The following WASF1 variants were observed in gnomAD, a reference collection of about 807,000 sequenced individuals.
WASF1 encodes actin-binding protein WASF1.
WASF1 carries 7 observed loss-of-function variants against 50.5 expected under a neutral mutation model. The observed-to-expected ratio is 0.14, with a 90% CI of 0.08 to 0.26. The LOEUF is 0.26. Ranked by LOEUF, WASF1 falls within the 10% of genes least tolerant of loss-of-function variation. WASF1 has a pLI of 1.00. For missense variants in WASF1, 470 were observed against 694.7 expected, an observed-to-expected ratio of 0.68 and a Z score of 3.64; for synonymous variants, 205 against 244.0, an observed-to-expected ratio of 0.84 and a Z score of 1.49.
At chr6:110,105,063 T>C (rs1244212184) in intron 8 of WASF1, among the ~76,000 whole-genome samples, 1 of 152,118 alleles carries the variant, frequency 6.6e-6, no homozygotes, top group African/African-American at 2.4e-5. Flanking sequence ...AAATCAACAG[T>C]ATTTCAAAAA....
At chr6:110,171,245 A>T (rs1033771379) in intron 2 of WASF1, among the ~76,000 whole-genome samples, 1 of 152,158 alleles carries the variant, frequency 6.6e-6, no homozygotes, top group East Asian at 1.9e-4. Context: ...CTCAGACCAC[A>T]ATGCAATTAA....
Position 110,101,679 on chromosome 6 carries a change from T to G in WASF1, c.1431A>C (p.Gln477His), listed in dbSNP as rs1773094800. ...VPLMPPSPPS[Q>H]VIPASEPKRH... ...GCTTTGGCTCAGAAGCAGGTATAAC[T>G]TGTGATGGAGGAGATGGAGGCATTA... The change falls in exon 10 of 11, where the codon CAA becomes CAC. Residue 477 changes from glutamine (Q) to histidine (H), a missense_variant. Gln to His is a conservative substitution (Grantham distance 24, BLOSUM62 0). This residue lies in a region of WASF1 where 294 missense variants were observed against 343.5 expected (regional missense o/e 0.86). Transcript: ENST00000392589. 1.2e-6 allele frequency: 2 copies of G among 1,614,056 alleles called. No homozygotes were observed. Among genetic ancestry groups the G allele is most frequent in the East Asian group, 2.2e-5 (1 of 44,872 alleles).
intron 3 of WASF1, among the ~76,000 whole-genome samples, chr6:110,151,648 T>C (rs1244979526): frequency 1.3e-5 from 2 of 152,180 alleles, no homozygotes; most frequent in East Asian, 1.9e-4. Context: ...TAGACATACA[T>C]GAAATCACAA....
At chr6:110,142,285 T>C (rs2114555425) in intron 3 of WASF1, among the ~76,000 whole-genome samples, 1 of 152,182 alleles carries the variant, frequency 6.6e-6, no homozygotes, top group East Asian at 1.9e-4. Flanking sequence ...AGACTAGTTT[T>C]GAAATATTAT....
chr6:110,108,635 T>C lies in WASF1; in HGVS notation c.315A>G (p.Thr105=), dbSNP rs199741666. ...ITMRKAFRSS[T]IQDQQLFDRK... is the part of the protein sequence containing the mutation. ...GATCGAAAAGCTGCTGGTCTTGAAT[T>C]GTAGAACTTCGGAAAGCTTTCCTCA... The change falls in exon 6 of 11, where the codon ACA becomes ACG. Residue 105 remains threonine (T), a synonymous_variant. Transcript: ENST00000392589. 5 of 1,614,104 alleles carry C rather than the reference T, an allele frequency of 3.1e-6. No individual in the cohort carries two copies. Among genetic ancestry groups the C allele is most frequent in the East Asian group, 2.2e-5 (1 of 44,860 alleles).
intron 3 of WASF1, among the ~76,000 whole-genome samples, chr6:110,138,581 G>T (rs1364815515): frequency 6.6e-6 from 1 of 152,198 alleles, no homozygotes; most frequent in Non-Finnish European, 1.5e-5. Flanking sequence ...CTTTTCACAG[G>T]CAGATCATCC....
At chr6:110,138,312 G>A (rs543723147) in intron 3 of WASF1, among the ~76,000 whole-genome samples, 30 of 152,264 alleles carry the variant, frequency 2.0e-4, no homozygotes, top group Non-Finnish European at 3.5e-4. Flanking sequence ...CAAAGAGAGT[G>A]TCACAGCAAT....
intron 2 of WASF1, among the ~76,000 whole-genome samples, chr6:110,161,219 G>T: frequency 6.6e-6 from 1 of 151,530 alleles, no homozygotes; most frequent in Admixed American, 6.6e-5. Context: ...TTTTACTCAC[G>T]ATGTACTGTT....
intron 2 of WASF1, among the ~76,000 whole-genome samples, chr6:110,162,460 CA>C (rs1284644639): frequency 6.8e-6 from 1 of 146,354 alleles, no homozygotes. Context: ...AAAAAAAATC[CA>C]AAAAACTAAA....
intron 4 of WASF1, among the ~76,000 whole-genome samples, chr6:110,121,669 C>T (rs764031571): frequency 3.3e-5 from 5 of 152,150 alleles, no homozygotes; most frequent in African/African-American, 9.7e-5. Flanking sequence ...TTTGATCCAG[C>T]GATCCCATTA....
At chr6:110,167,107 T>C (rs140695330) in intron 2 of WASF1, among the ~76,000 whole-genome samples, 20 of 151,818 alleles carry the variant, frequency 1.3e-4, no homozygotes, top group African/African-American at 3.9e-4. Flanking sequence ...ATACACAATG[T>C]AGACATCATA....
intron 8 of WASF1, among the ~76,000 whole-genome samples, chr6:110,104,240 AC>A (rs1390936385): frequency 6.6e-6 from 1 of 152,198 alleles, no homozygotes; most frequent in African/African-American, 2.4e-5. Flanking sequence ...GTTGGATTTA[AC>A]AGATGTGCAC....
chr6:110,144,514 TGTTTTAGACATGAA>T (rs1583994200), intron 3 of WASF1, among the ~76,000 whole-genome samples: 1 of 152,210 alleles, frequency 6.6e-6, no homozygotes, highest in Non-Finnish European at 1.5e-5. Flanking sequence ...TTGCTTTTGG[TGTTTTAGACATGAA>T]GTCCTTGCCC....
At chr6:110,114,264 G>C (rs927599813) in intron 4 of WASF1, among the ~76,000 whole-genome samples, 4 of 152,122 alleles carry the variant, frequency 2.6e-5, no homozygotes, top group Admixed American at 6.5e-5. Flanking sequence ...CATTCAAAGT[G>C]CCACCAGTGA....
intron 3 of WASF1, among the ~76,000 whole-genome samples, chr6:110,129,530 A>C (rs866051286): frequency 1.1e-4 from 17 of 152,300 alleles, no homozygotes; most frequent in Non-Finnish European, 2.4e-4. Flanking sequence ...TGACACTAGC[A>C]AAAAAACCTT....
chr6:110,121,994 TG>T (rs1381821795), intron 4 of WASF1, among the ~76,000 whole-genome samples: 1 of 137,532 alleles, frequency 7.3e-6, no homozygotes, highest in African/African-American at 2.8e-5. Context: ...CATGAACACA[TG>T]GACACATGGT....
intron 4 of WASF1, among the ~76,000 whole-genome samples, chr6:110,118,341 G>A (rs892681313): frequency 2.0e-5 from 1 of 50,872 alleles, no homozygotes; most frequent in African/African-American, 9.4e-5. Flanking sequence ...CCAAGCAAAC[G>A]GAAAGCAAAA....
At chr6:110,125,630 T>A (rs1187726541) in intron 4 of WASF1, among the ~76,000 whole-genome samples, 2 of 152,192 alleles carry the variant, frequency 1.3e-5, no homozygotes, top group African/African-American at 4.8e-5. Context: ...CTCAACTATG[T>A]CAAGTGGGAA....
At chr6:110,127,761 C>T in intron 3 of WASF1, 132 bp from the exon 4 acceptor site, 1 of 802,550 alleles carries the variant, frequency 1.2e-6, no homozygotes, top group East Asian at 3.4e-5. Flanking sequence ...GGTCCACTTA[C>T]TGGTGGATTT....
Sources: allele counts gnomAD v4.1 joint callset (sites outside exome capture counted in the v4.1 genomes callset), GRCh38; gene constraint gnomAD v4.1.1; regional missense constraint gnomAD v4.1.1; transcripts MANE v1.5; gene names NCBI Gene and HGNC (gene_info 2026-07-23, HGNC 2026-07-21).